Variants in TRPC4 observed in about 807,000 individuals in gnomAD.
The protein encoded by TRPC4 is short transient receptor potential channel 4.
A neutral mutation model predicts 99.4 loss-of-function variants in TRPC4; 49 were observed. The ratio of observed to expected loss-of-function variants is 0.49; its 90% confidence interval spans 0.39 to 0.63. The LOEUF is 0.63. TRPC4 is among the 20% of genes least tolerant of loss of function. The pLI, the probability that TRPC4 is intolerant of heterozygous loss-of-function variation, is 0.00. For synonymous variants in TRPC4, 454 were observed against 425.9 expected, an observed-to-expected ratio of 1.07 and a Z score of -0.81; for missense variants, 898 against 1,152.9, an observed-to-expected ratio of 0.78 and a Z score of 3.20.
chr13:37,714,334 C>T (rs1378872032), intron 3 of TRPC4, among the ~76,000 whole-genome samples: 4 of 152,104 alleles, frequency 2.6e-5, no homozygotes, highest in African/African-American at 7.2e-5. Flanking sequence ...ACCACGTTCA[C>T]AAGACTGGTC....
At chr13:37,752,624 T>C (rs1955966623) in intron 2 of TRPC4, among the ~76,000 whole-genome samples, 1 of 151,486 alleles carries the variant, frequency 6.6e-6, no homozygotes, top group Non-Finnish European at 1.5e-5. Flanking sequence ...CTTTGCTAAG[T>C]TTTCCTAGCT....
chr13:37,707,931 T>G (rs768515051), intron 3 of TRPC4, among the ~76,000 whole-genome samples: 7 of 152,128 alleles, frequency 4.6e-5, no homozygotes, highest in Non-Finnish European at 1.0e-4. Flanking sequence ...GAAGGAACTG[T>G]GCCTTTTCAC....
chr13:37,828,299 C>G, intron 1 of TRPC4, among the ~76,000 whole-genome samples: 1 of 152,254 alleles, frequency 6.6e-6, no homozygotes, highest in Non-Finnish European at 1.5e-5. Context: ...GCTCCTCCCC[C>G]TCCAGAATGG....
At chr13:37,731,174 C>T (rs950999444) in intron 3 of TRPC4, among the ~76,000 whole-genome samples, 2 of 152,028 alleles carry the variant, frequency 1.3e-5, no homozygotes, top group Non-Finnish European at 2.9e-5. Flanking sequence ...TTGGCACTTA[C>T]AATTTAGCTG....
chr13:37,798,324 C>A (rs1325570154), intron 1 of TRPC4, among the ~76,000 whole-genome samples: 1 of 152,112 alleles, frequency 6.6e-6, no homozygotes, highest in Non-Finnish European at 1.5e-5. Flanking sequence ...GATGATCCAG[C>A]TGCCTTCTTA....
At chr13:37,736,226 G>C (rs553066597) in intron 3 of TRPC4, among the ~76,000 whole-genome samples, 15 of 152,254 alleles carry the variant, frequency 9.9e-5, no homozygotes, top group South Asian at 8.3e-4. Flanking sequence ...CTAGGAGGGG[G>C]CTGGGGTAGA....
At chr13:37,821,573 C>A (rs1958012330) in intron 1 of TRPC4, among the ~76,000 whole-genome samples, 2 of 152,112 alleles carry the variant, frequency 1.3e-5, no homozygotes, top group Admixed American at 6.6e-5. Flanking sequence ...TACTACAAGG[C>A]TACAGTAACT....
At position 37,713,621 on chromosome 13, in the gene TRPC4, A is replaced by G. The variant is rs141104871; in HGVS notation, c.898-21286T>C. On this transcript the variant is annotated intron_variant, in intron 3 of 10. Coordinates refer to ENST00000379705, the MANE Select transcript of TRPC4 (RefSeq NM_016179.4). ...CTAAAAGAACGTTTCAGTCTTAAAAAACTGAGGAAGAAGAGTAATTTTACA... is the reference window on the plus strand; with the variant it reads ...CTAAAAGAACGTTTCAGTCTTAAAAGACTGAGGAAGAAGAGTAATTTTACA... 5.5e-3 allele frequency among the ~76,000 whole-genome samples: 841 copies of G among 152,268 alleles called. 6 individuals carry two copies. The highest frequency in any genetic ancestry group is 0.019 in the African/African-American group (802 of 41,554).
intron 8 of TRPC4, among the ~76,000 whole-genome samples, chr13:37,645,220 C>T (rs968496140): frequency 6.6e-6 from 1 of 152,026 alleles, no homozygotes; most frequent in African/African-American, 2.4e-5. Flanking sequence ...AGGACAATGG[C>T]AGCGTTTGGA....
rs191988977 is a variant in TRPC4, at chr13:37,747,251, C to T, written c.379-796G>A. ...GTAAGCATCTGCCAGGTACATTAACCCTCACCCTTTATTATTCACATTTTA... is the reference window on the plus strand; with the variant it reads ...GTAAGCATCTGCCAGGTACATTAACTCTCACCCTTTATTATTCACATTTTA... On this transcript the variant is annotated intron_variant, in intron 2 of 10. Coordinates refer to ENST00000379705, the MANE Select transcript of TRPC4 (RefSeq NM_016179.4). Among the ~76,000 whole-genome samples the T allele has an allele frequency of 4.6e-5, 7 of 152,108 alleles. No homozygotes were observed. In the East Asian group the frequency reaches 1.2e-3, roughly 25 times the overall value.
chr13:37,769,571 T>C (rs1956490788), intron 2 of TRPC4, among the ~76,000 whole-genome samples: 1 of 151,532 alleles, frequency 6.6e-6, no homozygotes, highest in Non-Finnish European at 1.5e-5. Flanking sequence ...AACTTTGCTG[T>C]CTTATAATCC....
At chr13:37,843,921 G>T (rs1958811270) in intron 1 of TRPC4, among the ~76,000 whole-genome samples, 1 of 152,180 alleles carries the variant, frequency 6.6e-6, no homozygotes, top group African/African-American at 2.4e-5. Flanking sequence ...CCAATGGTAA[G>T]ATGAATGATT....
intron 3 of TRPC4, among the ~76,000 whole-genome samples, chr13:37,733,198 A>G (rs894272262): frequency 2.0e-5 from 3 of 152,138 alleles, no homozygotes; most frequent in African/African-American, 4.8e-5. Context: ...ACTTGAGCCC[A>G]GGAGACAGAG....
chr13:37,691,257 A>G (rs939564957), intron 4 of TRPC4, among the ~76,000 whole-genome samples: 3 of 151,912 alleles, frequency 2.0e-5, no homozygotes, highest in African/African-American at 7.3e-5. Flanking sequence ...GCCCGCCACC[A>G]CGCCCGGCTA....
At chr13:37,859,120 A>G (rs1959200844) in intron 1 of TRPC4, among the ~76,000 whole-genome samples, 1 of 151,586 alleles carries the variant, frequency 6.6e-6, no homozygotes, top group African/African-American at 2.4e-5. Flanking sequence ...AAATCAGTTT[A>G]CAGATAGGAC....
At chr13:37,657,369 A>G (rs1185905425) in intron 6 of TRPC4, among the ~76,000 whole-genome samples, 1 of 152,240 alleles carries the variant, frequency 6.6e-6, no homozygotes, top group Admixed American at 6.5e-5. Context: ...AAAGGCCACT[A>G]AAGCTACTCT....
chr13:37,670,956 T>G (rs1566084163), intron 5 of TRPC4, among the ~76,000 whole-genome samples: 1 of 152,190 alleles, frequency 6.6e-6, no homozygotes, highest in Non-Finnish European at 1.5e-5. Flanking sequence ...GTTCAGTTCC[T>G]TCTCTCATGT....
chr13:37,846,439 A>G (rs1118721), intron 1 of TRPC4, among the ~76,000 whole-genome samples: 38,590 of 152,018 alleles, frequency 0.25, 5,397 homozygotes, highest in East Asian at 0.43. Context: ...AATTAATAAA[A>G]AGTATGTGTG....
intron 1 of TRPC4, among the ~76,000 whole-genome samples, chr13:37,789,915 T>C (rs1001723223): frequency 6.6e-6 from 1 of 152,116 alleles, no homozygotes; most frequent in Non-Finnish European, 1.5e-5. Context: ...TAAGACATCT[T>C]AGAAAGCAAT....
Sources: gnomAD v4.1 joint callset for allele counts (sites outside exome capture counted in the v4.1 genomes callset) on GRCh38, gnomAD v4.1.1 for gene constraint, MANE v1.5 for transcripts, NCBI Gene and HGNC (gene_info 2026-07-23, HGNC 2026-07-21) for gene names.